Variants in CEP70 observed in about 807,000 individuals in gnomAD.
CEP70 encodes the protein centrosomal protein of 70 kDa.
A neutral mutation model predicts 90.9 loss-of-function variants in CEP70; 70 were observed. The observed-to-expected ratio is 0.77, with a 90% CI of 0.64 to 0.94. CEP70 has a LOEUF of 0.94. Ranked by LOEUF, CEP70 falls within the 40% of genes least tolerant of loss-of-function variation. The pLI, the probability that CEP70 is intolerant of heterozygous loss-of-function variation, is 0.00. For synonymous variants in CEP70, 220 were observed against 228.3 expected, an observed-to-expected ratio of 0.96 and a Z score of 0.33; for missense variants, 648 against 669.0, an observed-to-expected ratio of 0.97 and a Z score of 0.35.
intron 8 of CEP70, chr3:138,530,567 G>A: frequency 1.0e-6 from 1 of 985,280 alleles, no homozygotes. Flanking sequence ...GACAAGCAGA[G>A]AAGCTTTTGC....
chr3:138,579,482 G>A (rs894218346), intron 2 of CEP70, among the ~76,000 whole-genome samples: 1 of 151,470 alleles, frequency 6.6e-6, no homozygotes, highest in Non-Finnish European at 1.5e-5. Flanking sequence ...AAGACAAGAG[G>A]GAAGAGTAAA....
chr3:138,514,785 A>G (rs1040515315), intron 11 of CEP70, among the ~76,000 whole-genome samples: 1 of 152,074 alleles, frequency 6.6e-6, no homozygotes, highest in Non-Finnish European at 1.5e-5. Context: ...AGCTAAGAGT[A>G]TAAGTTTTGG....
chr3:138,588,780 C>T (rs969169168), intron 2 of CEP70, among the ~76,000 whole-genome samples: 2 of 152,296 alleles, frequency 1.3e-5, no homozygotes, highest in East Asian at 3.9e-4. Context: ...AGACTGTACA[C>T]AAATGTTCGT....
At chr3:138,527,615 A>C (rs1308471231) in intron 10 of CEP70, among the ~76,000 whole-genome samples, 6 of 149,724 alleles carry the variant, frequency 4.0e-5, no homozygotes, top group African/African-American at 1.5e-4. Flanking sequence ...AAATCACTTG[A>C]GCCCGGGAGG....
Position 138,591,957 on chromosome 3 carries a change from C to G in CEP70, c.-108-1G>C. ...CTCATGTCTGAAACTGGATCTTCAT[C>G]TAGGTTTCAAAAAGATAAAAAGAAC... On this transcript the variant is annotated splice_acceptor_variant, in intron 1 of 17. Transcript: ENST00000264982. LOFTEE classifies it low-confidence loss of function (5UTR_SPLICE). 1 of 953,620 alleles carries G rather than the reference C, an allele frequency of 1.0e-6. No homozygotes were observed. The highest frequency in any genetic ancestry group is 1.5e-6 in the Non-Finnish European group (1 of 667,386). 59.1% of individuals were successfully genotyped at this position (953,620 alleles called of 1,614,324 possible).
At chr3:138,505,210 T>C (rs533755604) in intron 13 of CEP70, 85 bp downstream of exon 13, 3 of 1,098,638 alleles carry the variant, frequency 2.7e-6, no homozygotes, top group Non-Finnish European at 3.7e-6. Flanking sequence ...CCCTATTTAA[T>C]TTTTAGCCCT....
At chr3:138,526,676 A>G (rs2108822832) in intron 10 of CEP70, among the ~76,000 whole-genome samples, 1 of 152,288 alleles carries the variant, frequency 6.6e-6, no homozygotes, top group Middle Eastern at 3.4e-3. Flanking sequence ...TATAAATTTT[A>G]CTTTTCTTCT....
intron 2 of CEP70, among the ~76,000 whole-genome samples, chr3:138,576,280 A>G (rs2041517818): frequency 6.6e-6 from 1 of 152,166 alleles, no homozygotes; most frequent in South Asian, 2.1e-4. Flanking sequence ...ATGGAAAGCA[A>G]AAAAAAGCAG....
chr3:138,562,227 G>A (rs1206774598), intron 6 of CEP70, among the ~76,000 whole-genome samples: 1 of 152,112 alleles, frequency 6.6e-6, no homozygotes, highest in Non-Finnish European at 1.5e-5. Flanking sequence ...ATCTACGTTT[G>A]ATTATTGTAC....
At chr3:138,510,156 G>A (rs1576559477) in intron 11 of CEP70, among the ~76,000 whole-genome samples, 1 of 151,852 alleles carries the variant, frequency 6.6e-6, no homozygotes, top group Admixed American at 6.6e-5. Context: ...TACAGCCACA[G>A]TGTGTGATAC....
intron 7 of CEP70, among the ~76,000 whole-genome samples, chr3:138,534,129 A>G (rs1485423303): frequency 6.6e-6 from 1 of 152,226 alleles, no homozygotes; most frequent in East Asian, 1.9e-4. Flanking sequence ...AAAAAATGAG[A>G]GAAAAACAAA....
chr3:138,573,663 A>T (rs1415044794), intron 2 of CEP70, among the ~76,000 whole-genome samples: 3 of 152,250 alleles, frequency 2.0e-5, no homozygotes, highest in Non-Finnish European at 4.4e-5. Flanking sequence ...GAGCAAAAAA[A>T]TGGGCGAGTT....
intron 13 of CEP70, among the ~76,000 whole-genome samples, chr3:138,504,163 A>T (rs1363868017): frequency 6.6e-6 from 1 of 152,146 alleles, no homozygotes; most frequent in East Asian, 1.9e-4. Context: ...AAATACCATG[A>T]TTTACACTAT....
intron 7 of CEP70, among the ~76,000 whole-genome samples, chr3:138,533,904 C>T (rs1028601409): frequency 6.6e-6 from 1 of 152,080 alleles, no homozygotes; most frequent in African/African-American, 2.4e-5. Flanking sequence ...CCTGCCTCAG[C>T]CTCCCGAGTA....
At chr3:138,561,689 G>C (rs2040417682) in intron 6 of CEP70, among the ~76,000 whole-genome samples, 1 of 152,092 alleles carries the variant, frequency 6.6e-6, no homozygotes, top group Non-Finnish European at 1.5e-5. Flanking sequence ...GTTTAGAGAA[G>C]AACATAAATA....
chr3:138,497,918 T>C (rs1482510148), intron 17 of CEP70, 113 bp downstream of exon 17: 8 of 1,519,364 alleles, frequency 5.3e-6, no homozygotes, highest in Non-Finnish European at 7.0e-6. Context: ...GAACTGTTAG[T>C]GGTTTCCAAC....
chr3:138,525,597 A>G, intron 10 of CEP70, 33 bp from the exon 11 acceptor site: 2 of 1,023,268 alleles, frequency 2.0e-6, no homozygotes, highest in Non-Finnish European at 2.7e-6. Context: ...AATTAATTCA[A>G]TTTACTGAAT....
chr3:138,532,371 T>C, intron 8 of CEP70, 143 bp downstream of exon 8: 1 of 601,214 alleles, frequency 1.7e-6, no homozygotes, highest in Non-Finnish European at 2.5e-6. Flanking sequence ...AAATACAGTC[T>C]TCAAGTTCTT....
chr3:138,508,192 CT>C (rs971352053), intron 12 of CEP70, among the ~76,000 whole-genome samples: 1 of 152,076 alleles, frequency 6.6e-6, no homozygotes, highest in Non-Finnish European at 1.5e-5. Flanking sequence ...ATTATAGAAA[CT>C]TTTAAAAATC....
Sources: gnomAD v4.1 joint callset for allele counts (sites outside exome capture counted in the v4.1 genomes callset) on GRCh38, gnomAD v4.1.1 for gene constraint, MANE v1.5 for transcripts, NCBI Gene and HGNC (gene_info 2026-07-23, HGNC 2026-07-21) for gene names.